C3: variants seen among roughly 807,000 people sequenced by gnomAD.
C3 encodes C3 and PZP-like alpha-2-macroglobulin domain-containing protein 1.
Under a neutral mutation model 207.9 loss-of-function variants are expected in C3, and 97 were observed. That is an observed-to-expected ratio of 0.47 (90% CI 0.40 to 0.55). The LOEUF is 0.55. Among genes scored for constraint, C3 ranks in the 20% least tolerant of loss-of-function variants. The pLI, the probability that C3 is intolerant of heterozygous loss-of-function variation, is 0.00. For missense variants in C3, 1,684 were observed against 2,171.7 expected (o/e 0.78, Z 4.46); for synonymous variants, 848 against 857.6 (o/e 0.99, Z 0.20).
chr19:6,698,025 ATTAATTAT>A (rs1202633935), intron 19 of C3, among the ~76,000 whole-genome samples: 1 of 143,180 alleles, frequency 7.0e-6, no homozygotes, highest in East Asian at 2.0e-4. Context: ...TATTATTATT[ATTAATTAT>A]TTGAGACAGA....
chr19:6,696,084 G>C (rs403897), intron 23 of C3, among the ~76,000 whole-genome samples: 78,586 of 150,690 alleles, frequency 0.52, 21,503 homozygotes, highest in African/African-American at 0.7. Context: ...GTGGCGGGTG[G>C]CTGTAGTCCC....
intron 28 of C3, 51 bp from the exon 29 acceptor site, chr19:6,686,338 G>A (rs752452930): frequency 6.2e-7 from 1 of 1,601,002 alleles, no homozygotes. Flanking sequence ...TCCAGCCTGG[G>A]GATGGCTCAG....
chr19:6,679,567 G>A lies in C3; in HGVS notation c.4457-71C>T, dbSNP rs11569560. The A allele has an allele frequency of 0.043, 44,337 of 1,025,864 alleles. 1,147 individuals carry two copies. Among genetic ancestry groups the A allele is most frequent in the South Asian group, 0.053 (4,185 of 79,190 alleles). The allele number at this position is 1,025,864 out of a possible 1,614,324, so 63.5% of individuals were successfully genotyped here. ...CCAAAGACCATGCCTGGGAGGCCCAGATCCCCAGTTCTCAGTCTTCAGACC... is the reference window on the plus strand; with the variant it reads ...CCAAAGACCATGCCTGGGAGGCCCAAATCCCCAGTTCTCAGTCTTCAGACC... On this transcript the variant is annotated intron_variant, in intron 36 of 40. Transcript: ENST00000245907.
Position 6,710,744 on chromosome 19 carries a change from A to G in C3, c.1581T>C (p.Pro527=). The G allele has an allele frequency of 6.2e-7, 1 of 1,613,822 alleles. No individual in the cohort carries two copies. Among genetic ancestry groups the G allele is most frequent in the Non-Finnish European group, 8.5e-7 (1 of 1,180,004 alleles). ...LPLSITTDFI[P]SFRLVAYYTL... ...TGTAGTACGCCACCAGGCGGAAGGA[A>G]GGGATGAAGTCGGTGGTGATGGACA... The change falls in exon 13 of 41, where the codon CCT becomes CCC. Residue 527 remains proline (P), a synonymous_variant. Coordinates refer to ENST00000245907, the MANE Select transcript of C3 (RefSeq NM_000064.4).
At chr19:6,689,475 G>A (rs1446696439) in intron 27 of C3, among the ~76,000 whole-genome samples, 1 of 151,482 alleles carries the variant, frequency 6.6e-6, no homozygotes, top group Non-Finnish European at 1.5e-5. Flanking sequence ...CTTTTCCTAA[G>A]GGGGGAGAAG....
chr19:6,714,262 G>A lies in C3; in HGVS notation c.600-14C>T, dbSNP rs3745558. 2.8e-3 allele frequency: 4,461 copies of A among 1,613,358 alleles called. 87 individuals are homozygous for A. Among genetic ancestry groups the A allele is most frequent in the South Asian group, 0.024 (2,147 of 91,068 alleles). The stretch of plus-strand genomic sequence containing the variant: ...CACTGGCCCATGCTGTGAGGAGGGC[G>A]GATGAGTGGTCTCTCAGGCCTCGGA... On this transcript the variant is annotated splice_polypyrimidine_tract_variant and intron_variant, in intron 5 of 40. Transcript: ENST00000245907.
rs1181147745 is a variant in C3 at position 6,718,432 on chromosome 19, T to C, written c.268-20A>G. The C allele has an allele frequency of 1.9e-6, 3 of 1,614,152 alleles. No homozygotes were observed. The highest frequency in any genetic ancestry group is 4.5e-5 in the East Asian group (2 of 44,870). ...TGGGATCTAGGCGTGGGCAGGGCAT[T>C]GTCAGGGGTCTGTTCCAAGGCCCCA... is the stretch of plus-strand genomic sequence containing the variant. On this transcript the variant is annotated intron_variant, in intron 2 of 40. Transcript: ENST00000245907.
rs186351512 is a variant in C3, at chr19:6,699,971, T to G, written c.2440+2156A>C. ...TGATACATCATTTATATTATATATC[T>G]AATAAAATATACATTATATATGTTA... is the stretch of plus-strand genomic sequence containing the variant. On this transcript the variant is annotated intron_variant, in intron 19 of 40. Coordinates refer to ENST00000245907, the MANE Select transcript of C3 (RefSeq NM_000064.4). Among the ~76,000 whole-genome samples the G allele has an allele frequency of 1.4e-4, 21 of 148,986 alleles. No homozygotes were observed. In the East Asian group the frequency reaches 3.9e-3, roughly 28 times the overall value.
rs376554216 is a variant in C3, at chr19:6,700,525, AAT to A, written c.2440+1600_2440+1601del. Among the ~76,000 whole-genome samples the A allele has an allele frequency of 8.6e-4, 24 of 27,932 alleles. 10 individuals are homozygous for A. Among genetic ancestry groups the A allele is most frequent in the Admixed American group, 3.0e-3 (4 of 1,320 alleles). 18.3% of individuals were successfully genotyped at this position (27,932 alleles called of 152,430 possible). On this transcript the variant is annotated intron_variant, in intron 19 of 40. Transcript: ENST00000245907. ...TATATATGTAATATATAATATATGT[AAT>A]ATGATATATTATATATGTAATATAT... is the stretch of plus-strand genomic sequence containing the variant.
At chr19:6,717,603 GTGTT>G (rs1461257552) in intron 4 of C3, 17 of 266,148 alleles carry the variant, frequency 6.4e-5, no homozygotes, top group Admixed American at 1.0e-4. Context: ...TGTGTTGTGT[GTGTT>G]TGTGTGTGTT....
intron 14 of C3, 108 bp from the exon 15 acceptor site, chr19:6,708,037 C>T: frequency 7.8e-7 from 1 of 1,274,720 alleles, no homozygotes. Context: ...CCCTGTCCCA[C>T]TCTCATCTCC....
Position 6,715,432 on chromosome 19 carries a change from T to C in C3, c.505-986A>G, listed in dbSNP as rs371568408. 2.2e-3 allele frequency among the ~76,000 whole-genome samples: 337 copies of C among 151,922 alleles called. 2 individuals carry two copies. The highest frequency in any genetic ancestry group is 9.6e-3 in the South Asian group (46 of 4,798). Reference sequence around the variant, plus strand: ...TCAATGCTGCAGTGAGCTGTGATTGTGCCACTGCACTCTAGCCTGGGCAAC... The same window carrying C: ...TCAATGCTGCAGTGAGCTGTGATTGCGCCACTGCACTCTAGCCTGGGCAAC... On this transcript the variant is annotated intron_variant, in intron 4 of 40. Transcript: ENST00000245907.
intron 11 of C3, 65 bp from the exon 12 acceptor site, chr19:6,711,261 G>C: frequency 1.5e-6 from 2 of 1,365,190 alleles, no homozygotes; most frequent in Non-Finnish European, 2.1e-6. Context: ...GAATCCCTGA[G>C]ACCTGGGAAT....
At chr19:6,709,611 T>TCTCCCCCCCC in intron 14 of C3, 73 bp downstream of exon 14, 1 of 1,109,448 alleles carries the variant, frequency 9.0e-7, no homozygotes, top group Non-Finnish European at 1.4e-6. Flanking sequence ...CCCTCTCCAG[T>TCTCCCCCCCC]CCCACCCACC....
At chr19:6,709,309 G>A (rs1266765935) in intron 14 of C3, among the ~76,000 whole-genome samples, 2 of 152,154 alleles carry the variant, frequency 1.3e-5, no homozygotes, top group African/African-American at 2.4e-5. Context: ...TTAGCTGGGC[G>A]TGGTGATGGG....
chr19:6,712,334 G>A lies in C3; in HGVS notation c.1192C>T (p.Gln398Ter). 6.2e-7 allele frequency: 1 copy of A among 1,614,146 alleles called. No individual in the cohort carries two copies. ...ACGCCATCTCCCTGGGTTAGAGACT[G>A]CACAGTGTCCTCGCCCTGGACTGCC... is the stretch of plus-strand genomic sequence containing the variant. ...PVAVQGEDTV[Q>*]SLTQGDGVAK... Residue 398 changes from glutamine to a stop codon, truncating the protein, a stop_gained, in exon 11 of 41, where the codon CAG becomes TAG. Transcript: ENST00000245907. LOFTEE classifies it high-confidence loss of function.
At chr19:6,709,008 AT>A (rs1160486194) in intron 14 of C3, among the ~76,000 whole-genome samples, 3 of 150,930 alleles carry the variant, frequency 2.0e-5, no homozygotes, top group Non-Finnish European at 4.4e-5. Context: ...TCTTATCTCC[AT>A]TTCCCCTCTG....
Position 6,718,083 on chromosome 19 carries a change from C to G in C3, c.504+11G>C. ...GCCCCTGCTTCCCCTGGGGCCCCCT[C>G]TGGCTGGCACCTCAATGTTGACCAT... On this transcript the variant is annotated intron_variant, in intron 4 of 40. Transcript: ENST00000245907. The G allele has an allele frequency of 6.2e-7, 1 of 1,614,086 alleles. No homozygotes were observed. The highest frequency in any genetic ancestry group is 8.5e-7 in the Non-Finnish European group (1 of 1,179,958).
chr19:6,684,720 G>A, intron 31 of C3, 55 bp downstream of exon 31: 1 of 1,602,960 alleles, frequency 6.2e-7, no homozygotes, highest in Middle Eastern at 1.7e-4. Context: ...AGAGGAGATG[G>A]TCCCTCTGGG....
Sources: gnomAD v4.1 joint callset for allele counts (sites outside exome capture counted in the v4.1 genomes callset) on GRCh38, gnomAD v4.1.1 for gene constraint, MANE v1.5 for transcripts, NCBI Gene and HGNC (gene_info 2026-07-23, HGNC 2026-07-21) for gene names.